Variants in NCKAP5 observed in about 807,000 individuals in gnomAD.
The protein encoded by NCKAP5 is nck-associated protein 5.
A neutral mutation model predicts 167.0 loss-of-function variants in NCKAP5; 92 were observed. The ratio of observed to expected loss-of-function variants is 0.55; its 90% CI spans 0.47 to 0.66. The LOEUF (loss-of-function observed/expected upper bound fraction) is 0.66. Ranked by LOEUF, NCKAP5 falls within the 30% of genes least tolerant of loss-of-function variation. The probability of loss-of-function intolerance (pLI) is 0.00; values close to 1 mark genes in which losing one functional copy is unlikely to be tolerated. For synonymous variants in NCKAP5, 891 were observed against 877.4 expected, an observed-to-expected ratio of 1.02 and a Z score of -0.27; for missense variants, 2,378 against 2,315.0, an observed-to-expected ratio of 1.03 and a Z score of -0.56.
intron 8 of NCKAP5, among the ~76,000 whole-genome samples, chr2:132,960,666 G>T (rs2076484540): frequency 6.6e-6 from 1 of 152,188 alleles, no homozygotes; most frequent in South Asian, 2.1e-4. Context: ...ATACAGGGGT[G>T]GCAGCTGGAG....
At position 133,410,727 on chromosome 2, in the gene NCKAP5, A is replaced by C. The variant is rs187779445; in HGVS notation, c.69+106731T>G. Among the ~76,000 whole-genome samples the C allele has an allele frequency of 3.3e-5, 5 of 152,342 alleles. No homozygotes were observed. The East Asian group carries it at 9.7e-4, about 29-fold the overall frequency. On this transcript the variant is annotated intron_variant, in intron 3 of 19. Coordinates refer to ENST00000409261, the MANE Select transcript of NCKAP5 (RefSeq NM_207363.3). ...GGTGAAGTCCAATGAAGTATGTTTT[A>C]ATAAGTCTTCTGCGTGATTCTGATA...
chr2:133,538,290 A>G (rs1453057099), intron 2 of NCKAP5, among the ~76,000 whole-genome samples: 1 of 152,224 alleles, frequency 6.6e-6, no homozygotes, highest in African/African-American at 2.4e-5. Context: ...CCTTAGAAAT[A>G]TAATATGAAT....
intron 3 of NCKAP5, among the ~76,000 whole-genome samples, chr2:133,445,232 T>C (rs1340470622): frequency 1.3e-5 from 2 of 152,140 alleles, no homozygotes; most frequent in African/African-American, 4.8e-5. Context: ...TTGAATCTTA[T>C]AGATTTATTC....
intron 6 of NCKAP5, among the ~76,000 whole-genome samples, chr2:133,090,212 TAAAA>T (rs56131091): frequency 7.4e-6 from 1 of 135,642 alleles, no homozygotes. Flanking sequence ...ACAAGAAAAT[TAAAA>T]AAAAAAAAAA....
intron 19 of NCKAP5, among the ~76,000 whole-genome samples, chr2:132,700,933 G>C (rs534972252): frequency 2.6e-4 from 39 of 148,708 alleles, no homozygotes; most frequent in South Asian, 1.5e-3. Flanking sequence ...CCCTGGGCGG[G>C]GGGGGGGGCT....
chr2:132,782,516 T>C lies in NCKAP5; in HGVS notation c.4295A>G (p.Gln1432Arg), dbSNP rs1369084404. The part of the protein sequence containing the change: ...PEALQSPGRT[Q>R]HPSTFETSST... The stretch of plus-strand genomic sequence containing the variant: ...GCTTGTTTCAAAAGTGCTTGGATGC[T>C]GAGTCCTCCCTGGGCTCTGCAGGGC... Residue 1432 changes from glutamine (Q) to arginine (R), a missense_variant, in exon 14 of 20, where the codon CAG becomes CGG. Gln to Arg is a conservative substitution (Grantham distance 43). This residue lies in a region of NCKAP5 where 1,325 missense variants were observed against 1,274.5 expected (regional missense o/e 1.04). Transcript: ENST00000409261. 2 of 1,603,220 alleles carry C rather than the reference T, an allele frequency of 1.2e-6. No individual in the cohort carries two copies. Among genetic ancestry groups the C allele is most frequent in the Non-Finnish European group, 1.7e-6 (2 of 1,175,136 alleles).
At chr2:132,674,222 G>T (rs1156540279) in intron 19 of NCKAP5, among the ~76,000 whole-genome samples, 1 of 152,162 alleles carries the variant, frequency 6.6e-6, no homozygotes, top group Middle Eastern at 3.4e-3. Flanking sequence ...GCTTGGAGAT[G>T]ATAGTAAGTG....
intron 16 of NCKAP5, among the ~76,000 whole-genome samples, chr2:132,749,390 G>A (rs1679915780): frequency 6.6e-6 from 1 of 152,002 alleles, no homozygotes. Flanking sequence ...TTTTTGTAGA[G>A]ACAGGATTTT....
chr2:133,050,147 A>T (rs1471351530), intron 6 of NCKAP5, among the ~76,000 whole-genome samples: 2 of 152,124 alleles, frequency 1.3e-5, no homozygotes, highest in Non-Finnish European at 1.5e-5. Context: ...TTCTTTCTAT[A>T]TCTGTAGTCA....
chr2:132,791,122 T>C lies in NCKAP5; in HGVS notation c.910-917A>G, dbSNP rs559075539. ...TCTGTGGTCTTTAATGTCCTCTTTA[T>C]AGAGGGTGCCGCTGTCTGAGATTTC... On this transcript the variant is annotated intron_variant, in intron 12 of 19. Transcript: ENST00000409261. Among the ~76,000 whole-genome samples, 6 of 152,340 alleles carry C rather than the reference T, an allele frequency of 3.9e-5. No individual in the cohort carries two copies. The South Asian group carries it at 1.2e-3, about 32-fold the overall frequency.
intron 3 of NCKAP5, among the ~76,000 whole-genome samples, chr2:133,339,649 A>T (rs1330628571): frequency 6.6e-6 from 1 of 152,216 alleles, no homozygotes; most frequent in Non-Finnish European, 1.5e-5. Flanking sequence ...GGAAAAAATA[A>T]TTAAGAAAAT....
At chr2:132,908,044 A>G (rs1239824611) in intron 8 of NCKAP5, among the ~76,000 whole-genome samples, 3 of 152,214 alleles carry the variant, frequency 2.0e-5, no homozygotes, top group Non-Finnish European at 2.9e-5. Context: ...ATTAGTCACA[A>G]TAAGCAACTC....
rs2076584146 is a variant in NCKAP5, at chr2:132,963,733, A to C, written c.566T>G (p.Leu189Trp). ...TTCATTTCTTACCTCTAGAGCTTTC[A>C]ATCTCTCTAATAGCAATTTGGTCTT... ...KEKTKLLLER[L>W]KALEAENSAL... Residue 189 changes from leucine (L) to tryptophan (W), a missense_variant, in exon 8 of 20, where the codon TTG becomes TGG. Transcript: ENST00000409261. The C allele has an allele frequency of 1.2e-6, 2 of 1,613,626 alleles. No homozygotes were observed. The highest frequency in any genetic ancestry group is 2.2e-5 in the East Asian group (1 of 44,882).
chr2:132,891,191 TGG>T (rs1208829614), intron 8 of NCKAP5, among the ~76,000 whole-genome samples: 1 of 152,200 alleles, frequency 6.6e-6, no homozygotes, highest in Non-Finnish European at 1.5e-5. Flanking sequence ...TTCAGGCCAG[TGG>T]TTGGAAACTT....
chr2:132,731,545 C>T (rs1262415195), intron 17 of NCKAP5, among the ~76,000 whole-genome samples, 192 bp downstream of exon 17: 1 of 152,106 alleles, frequency 6.6e-6, no homozygotes, highest in African/African-American at 2.4e-5. Context: ...TGTGTGTGTA[C>T]TGCTTGATGT....
At chr2:132,825,768 T>A (rs548660124) in intron 11 of NCKAP5, among the ~76,000 whole-genome samples, 148 of 152,368 alleles carry the variant, frequency 9.7e-4, no homozygotes, top group Non-Finnish European at 1.9e-3. Flanking sequence ...CTGGCAAAAC[T>A]GTTGTTTCCA....
chr2:133,209,353 G>A (rs2086104699), intron 5 of NCKAP5, among the ~76,000 whole-genome samples: 1 of 149,042 alleles, frequency 6.7e-6, no homozygotes, highest in African/African-American at 2.5e-5. Flanking sequence ...AGGAAATTAA[G>A]AACAAAGAAA....
chr2:133,363,256 G>A (rs1257077551), intron 3 of NCKAP5, among the ~76,000 whole-genome samples: 3 of 152,054 alleles, frequency 2.0e-5, no homozygotes, highest in Non-Finnish European at 2.9e-5. Flanking sequence ...TGACTAGTTC[G>A]GTGGTCCCAC....
At chr2:132,756,689 C>G (rs1029799145) in intron 16 of NCKAP5, among the ~76,000 whole-genome samples, 1 of 152,090 alleles carries the variant, frequency 6.6e-6, no homozygotes, top group Non-Finnish European at 1.5e-5. Context: ...TACTTTGAGA[C>G]CAGGAAAACA....
Sources: allele counts gnomAD v4.1 joint callset (sites outside exome capture counted in the v4.1 genomes callset), GRCh38; gene constraint gnomAD v4.1.1; regional missense constraint gnomAD v4.1.1; transcripts MANE v1.5; gene names NCBI Gene and HGNC (gene_info 2026-07-23, HGNC 2026-07-21).